Variants in RFTN1 observed in about 807,000 individuals in gnomAD.
The protein encoded by RFTN1 is raftlin, lipid raft linker 1.
A neutral mutation model predicts 46.5 loss-of-function variants in RFTN1; 26 were observed. The observed-to-expected ratio is 0.56, with a 90% CI of 0.41 to 0.78. The LOEUF is 0.78. Among genes scored for constraint, RFTN1 ranks in the 30% least tolerant of loss-of-function variants. The pLI, the probability that RFTN1 is intolerant of heterozygous loss-of-function variation, is 0.00. For missense variants in RFTN1, 693 were observed against 718.7 expected (o/e 0.96, Z 0.41); for synonymous variants, 261 against 284.2 (o/e 0.92, Z 0.82).
At chr3:16,431,270 T>C (rs2075382062) in intron 3 of RFTN1, among the ~76,000 whole-genome samples, 1 of 152,196 alleles carries the variant, frequency 6.6e-6, no homozygotes, top group South Asian at 2.1e-4. Context: ...GCCCCAATAG[T>C]GTTGCTGAGT....
chr3:16,353,728 G>C lies in RFTN1; in HGVS notation c.1146+4204C>G, dbSNP rs367972919. 9.1e-4 allele frequency among the ~76,000 whole-genome samples: 138 copies of C among 152,248 alleles called. No homozygotes were observed. Among genetic ancestry groups the C allele is most frequent in the African/African-American group, 3.3e-3 (136 of 41,550 alleles). On this transcript the variant is annotated intron_variant, in intron 7 of 9. Transcript: ENST00000334133. This position sits in a 1 kb window ranked among gnomAD's most constrained non-coding sequence, Gnocchi z 5.4. Reference sequence around the variant, plus strand: ...AACAGGATTAGTGTCCTTATAAGAAGAGACACCAGAGTAGCCCCCTCCCAC... The same window carrying C: ...AACAGGATTAGTGTCCTTATAAGAACAGACACCAGAGTAGCCCCCTCCCAC...
At chr3:16,378,805 T>TC (rs11380269) in intron 4 of RFTN1, among the ~76,000 whole-genome samples, 125,324 of 151,990 alleles carry the variant, frequency 0.82, 52,190 homozygotes, top group African/African-American at 0.92. Flanking sequence ...GTCCACACCA[T>TC]CAGCAGCGAG....
At chr3:16,486,565 T>C (rs1295742716) in intron 2 of RFTN1, among the ~76,000 whole-genome samples, 1 of 152,216 alleles carries the variant, frequency 6.6e-6, no homozygotes, top group Non-Finnish European at 1.5e-5. Flanking sequence ...TTCTCCCATC[T>C]TTTGCCTGAC....
At position 16,471,291 on chromosome 3, in the gene RFTN1, G is replaced by A. The variant is rs1220224526; in HGVS notation, c.145+22434C>T. Among the ~76,000 whole-genome samples, 4 of 152,192 alleles carry A rather than the reference G, an allele frequency of 2.6e-5. No homozygotes were observed. In the South Asian group the frequency reaches 6.2e-4, roughly 24 times the overall value. Reference sequence around the variant, plus strand: ...CACAGTCTACTTTATGCAGTGGGAGGAGACAGTATGCATAGTGGTTACCAT... The same window carrying A: ...CACAGTCTACTTTATGCAGTGGGAGAAGACAGTATGCATAGTGGTTACCAT... On this transcript the variant is annotated intron_variant, in intron 2 of 9. Transcript: ENST00000334133.
rs1407598864 is a variant in RFTN1, at chr3:16,374,615, G to A, written c.826+3103C>T. On this transcript the variant is annotated intron_variant, in intron 5 of 9. Coordinates refer to ENST00000334133, the MANE Select transcript of RFTN1 (RefSeq NM_015150.2). This position sits in a 1 kb window ranked among gnomAD's most constrained non-coding sequence, Gnocchi z 5.4. ...TTCTAAGCATTTTAAGTGAGGAGGT[G>A]CAGGGTAGGAAGGGCAGTGCTTGGA... 6.6e-6 allele frequency among the ~76,000 whole-genome samples: 1 copy of A among 152,196 alleles called. No individual in the cohort carries two copies. Among genetic ancestry groups the A allele is most frequent in the African/African-American group, 2.4e-5 (1 of 41,450 alleles).
At chr3:16,359,108 G>C (rs1475257908) in intron 6 of RFTN1, among the ~76,000 whole-genome samples, 1 of 150,674 alleles carries the variant, frequency 6.6e-6, no homozygotes, top group Admixed American at 6.6e-5. Context: ...AGCACCTTTT[G>C]CCCCTTTGTT....
At chr3:16,365,983 A>G (rs958366562) in intron 6 of RFTN1, among the ~76,000 whole-genome samples, 1 of 151,928 alleles carries the variant, frequency 6.6e-6, no homozygotes, top group Non-Finnish European at 1.5e-5. Flanking sequence ...TGCAAAGGCC[A>G]TTTCTGAAAC....
chr3:16,442,174 A>G lies in RFTN1; in HGVS notation c.146-8137T>C, dbSNP rs1031873889. On this transcript the variant is annotated intron_variant, in intron 2 of 9. Transcript: ENST00000334133. This position sits in a 1 kb window ranked among gnomAD's most constrained non-coding sequence, Gnocchi z 4.1. ...CAAAACAAAACACATATCCAGGCTC[A>G]GGAGACCACACCATTAAAACACTAT... 1.3e-5 allele frequency among the ~76,000 whole-genome samples: 2 copies of G among 152,242 alleles called. No individual in the cohort carries two copies. Among genetic ancestry groups the G allele is most frequent in the African/African-American group, 2.4e-5 (1 of 41,472 alleles).
At position 16,317,703 on chromosome 3, in the gene RFTN1, T is replaced by C. The variant is rs1393917386; in HGVS notation, c.1333-471A>G. The stretch of plus-strand genomic sequence containing the variant: ...CCTGAGTAAGGCAGGGCCCAGAACA[T>C]GGGGCAGACACTGTGCTGTACCGCT... On this transcript the variant is annotated intron_variant, in intron 9 of 9. Transcript: ENST00000334133. This position sits in a 1 kb window ranked among gnomAD's most constrained non-coding sequence, Gnocchi z 4.3. Among the ~76,000 whole-genome samples the C allele has an allele frequency of 1.3e-5, 2 of 152,080 alleles. No individual in the cohort carries two copies. The highest frequency in any genetic ancestry group is 2.4e-5 in the African/African-American group (1 of 41,386).
rs769892500 is a variant in RFTN1, at chr3:16,489,610, T to C, written c.145+4115A>G. 2.0e-5 allele frequency among the ~76,000 whole-genome samples: 3 copies of C among 152,120 alleles called. No homozygotes were observed. Among genetic ancestry groups the C allele is most frequent in the Non-Finnish European group, 4.4e-5 (3 of 68,014 alleles). ...TATACCTTGATAAAGCTGAAAAATT[T>C]CTGAAACATGAGAGCAGGCCAGTGC... On this transcript the variant is annotated intron_variant, in intron 2 of 9. Transcript: ENST00000334133. The surrounding 1 kb of genome is among the most constrained non-coding windows in gnomAD (Gnocchi z 4.0).
chr3:16,431,788 G>C (rs2075393992), intron 3 of RFTN1, among the ~76,000 whole-genome samples: 1 of 152,188 alleles, frequency 6.6e-6, no homozygotes, highest in Admixed American at 6.5e-5. Flanking sequence ...GAAAGGTTGA[G>C]TAATAAAAGT....
At chr3:16,405,364 G>A (rs1433320709) in intron 4 of RFTN1, among the ~76,000 whole-genome samples, 1 of 152,146 alleles carries the variant, frequency 6.6e-6, no homozygotes, top group East Asian at 1.9e-4. Flanking sequence ...ATGTTCTGTG[G>A]TCCATAATAA....
At chr3:16,397,354 T>C (rs2074493086) in intron 4 of RFTN1, among the ~76,000 whole-genome samples, 1 of 151,710 alleles carries the variant, frequency 6.6e-6, no homozygotes, top group African/African-American at 2.4e-5. Context: ...AGAAAGGAAA[T>C]GGGGAGATGT....
intron 2 of RFTN1, among the ~76,000 whole-genome samples, chr3:16,482,397 A>T (rs1392977738): frequency 6.6e-6 from 1 of 152,206 alleles, no homozygotes; most frequent in Non-Finnish European, 1.5e-5. Context: ...TCACCAAAAC[A>T]TGCAGCCAAA....
chr3:16,464,928 A>C (rs1205625314), intron 2 of RFTN1, among the ~76,000 whole-genome samples: 1 of 152,246 alleles, frequency 6.6e-6, no homozygotes, highest in African/African-American at 2.4e-5. Context: ...TTTGGAGAGA[A>C]GATTGCATGT....
intron 3 of RFTN1, among the ~76,000 whole-genome samples, chr3:16,411,375 G>C (rs574409843): frequency 6.6e-6 from 1 of 152,262 alleles, no homozygotes; most frequent in East Asian, 1.9e-4. Context: ...AAATGAAAGA[G>C]GATTTGGTTT....
At chr3:16,414,365 G>A (rs2075034538) in intron 3 of RFTN1, among the ~76,000 whole-genome samples, 1 of 151,572 alleles carries the variant, frequency 6.6e-6, no homozygotes, top group Non-Finnish European at 1.5e-5. Context: ...CTAGCACTTC[G>A]GGAGGCTGAG....
At chr3:16,411,140 A>G (rs1235530575) in intron 3 of RFTN1, among the ~76,000 whole-genome samples, 1 of 152,178 alleles carries the variant, frequency 6.6e-6, no homozygotes, top group Non-Finnish European at 1.5e-5. Context: ...CTGTTCTACC[A>G]AAGAGGGGCC....
Position 16,507,806 on chromosome 3 carries a change from C to A in RFTN1, c.-9+5636G>T, listed in dbSNP as rs373267747. 3.5e-5 allele frequency among the ~76,000 whole-genome samples: 5 copies of A among 141,290 alleles called. No individual in the cohort carries two copies. Among genetic ancestry groups the A allele is most frequent in the Non-Finnish European group, 7.6e-5 (5 of 65,676 alleles). The allele number at this position is 141,290 out of a possible 152,430, so 92.7% of individuals were successfully genotyped here. A position where few individuals can be genotyped will look rare whatever the true frequency, so the allele number is the denominator to read the frequency against. The stretch of plus-strand genomic sequence containing the variant: ...TCACATACACACAAACACACACAAA[C>A]GCACATACATACATACATACACACA... On this transcript the variant is annotated intron_variant, in intron 1 of 9. Transcript: ENST00000334133. The surrounding 1 kb of genome is among the most constrained non-coding windows in gnomAD (Gnocchi z 7.1).
Sources: gnomAD v4.1 joint callset for allele counts (sites outside exome capture counted in the v4.1 genomes callset) on GRCh38, gnomAD v4.1.1 for gene constraint, Gnocchi (gnomAD v3.1) non-coding constraint, MANE v1.5 for transcripts, NCBI Gene and HGNC (gene_info 2026-07-23, HGNC 2026-07-21) for gene names.